ABCF2: variants seen among roughly 807,000 people sequenced by gnomAD.
ABCF2 encodes ATP binding cassette subfamily F member 2, also known as ATP-binding cassette sub-family F member 2.
In ABCF2, 37 loss-of-function variants were observed where a neutral mutation model predicts 76.9. The observed-to-expected ratio is 0.48, with a 90% CI of 0.37 to 0.63. The LOEUF (loss-of-function observed/expected upper bound fraction) is 0.63. Ranked by LOEUF, ABCF2 falls within the 30% of genes least tolerant of loss-of-function variation. ABCF2 has a pLI of 0.00. For synonymous variants in ABCF2, 299 were observed against 283.7 expected, an observed-to-expected ratio of 1.05 and a Z score of -0.54; for missense variants, 524 against 782.1, an observed-to-expected ratio of 0.67 and a Z score of 3.94.
chr7:151,218,141 C>T lies in ABCF2; in HGVS notation c.1278G>A (p.Val426=). 1 of 1,614,190 alleles carries T rather than the reference C, an allele frequency of 6.2e-7. No homozygotes were observed. Among genetic ancestry groups the T allele is most frequent in the Non-Finnish European group, 8.5e-7 (1 of 1,180,036 alleles). Residue 426 remains valine, a synonymous_variant, in exon 11 of 15, where the codon GTG becomes GTA. Transcript: ENST00000287844. ...CTGCTCCATTGGGCCCTACCAGAGC[C>T]ACTCGTGTGTCAAGGTCAATTCCAA... is the stretch of plus-strand genomic sequence containing the variant. ...LEFGIDLDTR[V]ALVGPNGAGK...
At chr7:151,218,259 A>G in intron 10 of ABCF2, 68 bp from the exon 11 acceptor site, 1 of 1,121,440 alleles carries the variant, frequency 8.9e-7, no homozygotes. Context: ...CAGCAGACCA[A>G]GCCCGCTGAA....
rs897555615 is a variant in ABCF2, at chr7:151,212,237, T to C, written c.*1817A>G. ...CTGATTTCAGAGGCAGAGTGATGAA[T>C]CCACACCAGGAAGGATGGCCACTGG... On this transcript the variant is annotated 3_prime_UTR_variant, in exon 15 of 15. Transcript: ENST00000287844. 8 of 985,260 alleles carry C rather than the reference T, an allele frequency of 8.1e-6. No homozygotes were observed. The African/African-American group carries it at 8.7e-5, about 11-fold the overall frequency. The allele number at this position is 985,260 out of a possible 1,614,324, so 61.0% of individuals were successfully genotyped here.
Position 151,226,450 on chromosome 7 carries a change from G to A in ABCF2, c.9C>T (p.Ser3=). ...TGGCTGCCTTCTTCTTGGCCAGGTC[G>A]GAGGGCATGATGATGACCCACAGGG... MP[S]DLAKKKAAKK... is the part of the protein sequence containing the mutation. Residue 3 remains serine (S), a synonymous_variant, in exon 2 of 15, where the codon TCC becomes TCT. Coordinates refer to ENST00000287844, the MANE Select transcript of ABCF2 (RefSeq NM_007189.3). 2 of 1,613,812 alleles carry A rather than the reference G, an allele frequency of 1.2e-6. No homozygotes were observed. Among genetic ancestry groups the A allele is most frequent in the South Asian group, 2.2e-5 (2 of 91,040 alleles).
Position 151,226,402 on chromosome 7 carries a change from A to C in ABCF2, c.57T>G (p.Ala19=). Residue 19 remains alanine (A), a synonymous_variant, in exon 2 of 15, where the codon GCT becomes GCG. Coordinates refer to ENST00000287844, the MANE Select transcript of ABCF2 (RefSeq NM_007189.3). ...KAAKKKEAAK[A]RQRPRKGHEE... is the part of the protein sequence containing the mutation. Reference sequence around the variant, plus strand: ...CATGTCCTTTTCTGGGCCGCTGTCGAGCTTTGGCAGCCTCCTTCTTTTTGG... The same window carrying C: ...CATGTCCTTTTCTGGGCCGCTGTCGCGCTTTGGCAGCCTCCTTCTTTTTGG... 1.9e-6 allele frequency: 3 copies of C among 1,614,012 alleles called. No homozygotes were observed. Among genetic ancestry groups the C allele is most frequent in the Non-Finnish European group, 2.5e-6 (3 of 1,180,010 alleles).
intron 2 of ABCF2, among the ~76,000 whole-genome samples, chr7:151,225,517 A>C (rs1355835092): frequency 1.3e-5 from 2 of 152,272 alleles, no homozygotes; most frequent in African/African-American, 4.8e-5. Flanking sequence ...GTCAGGTTTG[A>C]CTGAGAGACG....
Position 151,211,611 on chromosome 7 carries a change from T to C in ABCF2, c.*2443A>G. ...TCCAGGTTCTGAAGATCTCCTGTCC[T>C]AGTATGGAGACTCTGGAGATCCCGA... is the stretch of plus-strand genomic sequence containing the variant. On this transcript the variant is annotated 3_prime_UTR_variant, in exon 15 of 15. Coordinates refer to ENST00000287844, the MANE Select transcript of ABCF2 (RefSeq NM_007189.3). 1 of 985,034 alleles carries C rather than the reference T, an allele frequency of 1.0e-6. No homozygotes were observed. Among genetic ancestry groups the C allele is most frequent in the Non-Finnish European group, 1.2e-6 (1 of 829,568 alleles). 61.0% of individuals were successfully genotyped at this position (985,034 alleles called of 1,614,324 possible). A position where few individuals can be genotyped will look rare whatever the true frequency, so the allele number is the denominator to read the frequency against.
In ABCF2 at chr7:151,223,670, G is replaced by A. The variant is rs766669072; in HGVS notation, c.722+8C>T. 6.3e-7 allele frequency: 1 copy of A among 1,585,156 alleles called. No homozygotes were observed. The highest frequency in any genetic ancestry group is 1.1e-5 in the South Asian group (1 of 88,456). On this transcript the variant is annotated splice_region_variant and intron_variant, in intron 5 of 14. Transcript: ENST00000287844. Reference sequence around the variant, plus strand: ...GTTATGGGGGTAGGGAAGGAGGGAGGGACTCACCTGGCAAGGGCAACCCTC... The same window carrying A: ...GTTATGGGGGTAGGGAAGGAGGGAGAGACTCACCTGGCAAGGGCAACCCTC...
chr7:151,218,474 TG>T, intron 10 of ABCF2, 86 bp downstream of exon 10: 1 of 1,197,146 alleles, frequency 8.4e-7, no homozygotes, highest in Non-Finnish European at 1.2e-6. Flanking sequence ...CTAGCAGGTG[TG>T]GTCAGCACAG....
intron 5 of ABCF2, 33 bp downstream of exon 5, chr7:151,223,645 G>C (rs775719712): frequency 6.4e-7 from 1 of 1,559,478 alleles, no homozygotes; most frequent in East Asian, 2.3e-5. Context: ...AGATGGGGGA[G>C]TTATGGGGGT....
chr7:151,214,781 T>C lies in ABCF2; in HGVS notation c.1734+98A>G. 8.5e-7 allele frequency: 1 copy of C among 1,177,536 alleles called. No individual in the cohort carries two copies. The highest frequency in any genetic ancestry group is 1.2e-6 in the Non-Finnish European group (1 of 805,720). 72.9% of individuals were successfully genotyped at this position (1,177,536 alleles called of 1,614,324 possible). On this transcript the variant is annotated intron_variant, in intron 14 of 14. Coordinates refer to ENST00000287844, the MANE Select transcript of ABCF2 (RefSeq NM_007189.3). This position sits in a 1 kb window ranked among gnomAD's most constrained non-coding sequence, Gnocchi z 4.9. ...CTACACTCTGAGCCCCTTCTCTTAA[T>C]TCAGTAGGCGGGTATTATGCACCCT... is the stretch of plus-strand genomic sequence containing the variant.
At chr7:151,221,803 G>A in intron 6 of ABCF2, 123 bp from the exon 7 acceptor site, 1 of 721,442 alleles carries the variant, frequency 1.4e-6, no homozygotes, top group Non-Finnish European at 2.4e-6. Flanking sequence ...TCCAATTCCT[G>A]GCTGTTAGCA....
chr7:151,221,515 T>TC, intron 7 of ABCF2, 63 bp downstream of exon 7: 3 of 1,083,912 alleles, frequency 2.8e-6, no homozygotes, highest in Non-Finnish European at 2.7e-6. Context: ...TTTTTTTTTT[T>TC]AAAGAGAATT....
Position 151,213,429 on chromosome 7 carries a change from C to T in ABCF2, c.*625G>A, listed in dbSNP as rs994352184. On this transcript the variant is annotated 3_prime_UTR_variant, in exon 15 of 15. Transcript: ENST00000287844. ...TCCCATCGACACACTGACGCTGGATCCAGCTCCTGCTGTGGGCAGTGCATG... is the reference window on the plus strand; with the variant it reads ...TCCCATCGACACACTGACGCTGGATTCAGCTCCTGCTGTGGGCAGTGCATG... The T allele has an allele frequency of 1.2e-5, 12 of 985,494 alleles. No individual in the cohort carries two copies. Among genetic ancestry groups the T allele is most frequent in the Non-Finnish European group, 1.3e-5 (11 of 829,970 alleles). The allele number at this position is 985,494 out of a possible 1,614,324, so 61.0% of individuals were successfully genotyped here. A position where few individuals can be genotyped will look rare whatever the true frequency, so the allele number is the denominator to read the frequency against.
rs945616121 is a variant in ABCF2, at chr7:151,222,501, C to T, written c.818+20G>A. 1.9e-6 allele frequency: 3 copies of T among 1,601,992 alleles called. No homozygotes were observed. Among genetic ancestry groups the T allele is most frequent in the Non-Finnish European group, 2.6e-6 (3 of 1,169,464 alleles). ...CCCTTTGGGACCTGCCCGCTCACAT[C>T]CCCCATTCCACCCTCTTACGTTTTT... is the stretch of plus-strand genomic sequence containing the variant. On this transcript the variant is annotated intron_variant, in intron 6 of 14. Coordinates refer to ENST00000287844, the MANE Select transcript of ABCF2 (RefSeq NM_007189.3).
Position 151,223,947 on chromosome 7 carries a change from G to C in ABCF2, c.535C>G (p.Leu179Val), listed in dbSNP as rs1210747134. Residue 179 changes from leucine to valine, a missense_variant, in exon 4 of 15, where the codon CTG becomes GTG. By Grantham distance (32) the Leu-to-Val change is conservative. Transcript: ENST00000287844. ...GGAGCCCTACCATCCTCATGAGCCA[G>C]CCGCTCTGCCTCTTTCTCCAGCATG... ...RAMLEKEAER[L>V]AHEDAECEKL... 1 of 1,613,228 alleles carries C rather than the reference G, an allele frequency of 6.2e-7. No individual in the cohort carries two copies. Among genetic ancestry groups the C allele is most frequent in the South Asian group, 1.1e-5 (1 of 91,036 alleles).
Position 151,223,938 on chromosome 7 carries a change from C to CA in ABCF2, c.543dup (p.Glu182Ter). 6.2e-7 allele frequency: 1 copy of CA among 1,613,110 alleles called. No individual in the cohort carries two copies. Among genetic ancestry groups the CA allele is most frequent in the Non-Finnish European group, 8.5e-7 (1 of 1,179,316 alleles). On this transcript the variant is annotated frameshift_variant, in exon 4 of 15. Transcript: ENST00000287844. ...CCCAGGTCTGGAGCCCTACCATCCT[C>CA]ATGAGCCAGCCGCTCTGCCTCTTTC...
At chr7:151,218,940 A>C in intron 8 of ABCF2, 67 bp from the exon 9 acceptor site, 1 of 1,609,270 alleles carries the variant, frequency 6.2e-7, no homozygotes, top group Non-Finnish European at 8.5e-7. Context: ...AATCCAGGGT[A>C]AAAATGTTGA....
At position 151,226,415 on chromosome 7, in the gene ABCF2, T is replaced by A; in HGVS notation, c.44A>T (p.Glu15Val). ...LAKKKAAKKK[E>V]AAKARQRPRK... ...GGGCCGCTGTCGAGCTTTGGCAGCC[T>A]CCTTCTTTTTGGCTGCCTTCTTCTT... The change falls in exon 2 of 15, where the codon GAG becomes GTG. Residue 15 changes from glutamate to valine, a missense_variant. Glu to Val is a moderately radical substitution (Grantham distance 121, BLOSUM62 -2). Around this residue, in one of 2 missense-constraint regions of ABCF2, gnomAD observed 330 missense variants for 433.6 expected, o/e 0.76. Coordinates refer to ENST00000287844, the MANE Select transcript of ABCF2 (RefSeq NM_007189.3). The A allele has an allele frequency of 6.2e-7, 1 of 1,614,172 alleles. No individual in the cohort carries two copies. The highest frequency in any genetic ancestry group is 8.5e-7 in the Non-Finnish European group (1 of 1,180,026).
intron 7 of ABCF2, among the ~76,000 whole-genome samples, chr7:151,219,681 G>A (rs1291055279): frequency 6.6e-6 from 1 of 152,186 alleles, no homozygotes; most frequent in Non-Finnish European, 1.5e-5. Flanking sequence ...CAAGTTACAG[G>A]ATAAACACAT....
Sources: allele counts gnomAD v4.1 joint callset (sites outside exome capture counted in the v4.1 genomes callset), GRCh38; gene constraint gnomAD v4.1.1; regional missense constraint gnomAD v4.1.1; non-coding constraint Gnocchi (gnomAD v3.1); transcripts MANE v1.5; gene names NCBI Gene and HGNC (gene_info 2026-07-23, HGNC 2026-07-21).